Variants in GRM5 observed in about 807,000 individuals in gnomAD.
GRM5 encodes the protein metabotropic glutamate receptor 5.
In GRM5, 19 loss-of-function variants were observed where a neutral mutation model predicts 83.1. That is an observed-to-expected ratio of 0.23 (90% CI 0.16 to 0.34). GRM5 has a LOEUF of 0.34. Among genes scored for constraint, GRM5 ranks in the 10% least tolerant of loss-of-function variants. The pLI is 1.00. For synonymous variants in GRM5, 675 were observed against 633.6 expected, an observed-to-expected ratio of 1.07 and a Z score of -0.98; for missense variants, 1,160 against 1,588.3, an observed-to-expected ratio of 0.73 and a Z score of 4.58.
At chr11:88,710,769 G>A (rs1021727098) in intron 3 of GRM5, among the ~76,000 whole-genome samples, 1 of 151,878 alleles carries the variant, frequency 6.6e-6, no homozygotes, top group Non-Finnish European at 1.5e-5. Flanking sequence ...AGATTGAGAA[G>A]GTGCATTGCA....
intron 3 of GRM5, among the ~76,000 whole-genome samples, chr11:88,705,971 A>C (rs1404463198): frequency 6.6e-6 from 1 of 151,930 alleles, no homozygotes; most frequent in Non-Finnish European, 1.5e-5. Flanking sequence ...CCTCACCACA[A>C]CCCTAAGTGT....
intron 3 of GRM5, among the ~76,000 whole-genome samples, chr11:88,847,682 T>C (rs1944322441): frequency 6.6e-6 from 1 of 152,032 alleles, no homozygotes; most frequent in African/African-American, 2.4e-5. Flanking sequence ...TGCTCAAAAA[T>C]GAAATGAACT....
In GRM5 at chr11:88,585,325, A is replaced by T. The variant is rs181727616; in HGVS notation, c.1690+5276T>A. On this transcript the variant is annotated intron_variant, in intron 7 of 9. Transcript: ENST00000305447. ...TTTTTAGTTACAGGGGCCCCAGCCAATGAACCTAAGATGGATAGAGGGAAA... is the reference window on the plus strand; with the variant it reads ...TTTTTAGTTACAGGGGCCCCAGCCATTGAACCTAAGATGGATAGAGGGAAA... Among the ~76,000 whole-genome samples the T allele has an allele frequency of 6.7e-4, 102 of 152,352 alleles. 1 individual carries two copies. Among genetic ancestry groups the T allele is most frequent in the Middle Eastern group, 3.4e-3 (1 of 294 alleles).
chr11:88,772,655 T>C (rs1211558006), intron 3 of GRM5, among the ~76,000 whole-genome samples: 1 of 152,072 alleles, frequency 6.6e-6, no homozygotes. Flanking sequence ...TGTGTCCAAG[T>C]GATCTCACTG....
At chr11:88,902,134 A>C (rs1172485084) in intron 2 of GRM5, among the ~76,000 whole-genome samples, 2 of 151,894 alleles carry the variant, frequency 1.3e-5, no homozygotes, top group East Asian at 3.9e-4. Flanking sequence ...AGACTGCCTA[A>C]GGGCAGAGAA....
chr11:88,695,972 A>G (rs1940891961), intron 3 of GRM5, among the ~76,000 whole-genome samples: 1 of 152,204 alleles, frequency 6.6e-6, no homozygotes, highest in Non-Finnish European at 1.5e-5. Context: ...TGTGTGAATC[A>G]GCTCAATTAG....
chr11:89,041,292 G>A (rs186142163), intron 2 of GRM5, among the ~76,000 whole-genome samples: 225 of 152,322 alleles, frequency 1.5e-3, no homozygotes, highest in African/African-American at 5.2e-3. Flanking sequence ...GGGGAGCAGT[G>A]CAGTGAAATC....
chr11:88,761,534 T>A (rs1170267253), intron 3 of GRM5, among the ~76,000 whole-genome samples: 2 of 152,024 alleles, frequency 1.3e-5, no homozygotes, highest in Non-Finnish European at 2.9e-5. Context: ...TACAAAACAC[T>A]GCTCAAAGAA....
intron 2 of GRM5, among the ~76,000 whole-genome samples, chr11:88,900,181 A>T (rs534504968): frequency 6.6e-6 from 1 of 152,272 alleles, no homozygotes; most frequent in East Asian, 1.9e-4. Context: ...AGAACTACAC[A>T]GACTAGAGTG....
At chr11:88,786,362 GAATTC>G (rs1376230030) in intron 3 of GRM5, among the ~76,000 whole-genome samples, 1 of 152,046 alleles carries the variant, frequency 6.6e-6, no homozygotes, top group Non-Finnish European at 1.5e-5. Flanking sequence ...TGAGCTCAAA[GAATTC>G]TTAATGCATT....
intron 4 of GRM5, among the ~76,000 whole-genome samples, chr11:88,637,404 A>C (rs553670913): frequency 9.2e-5 from 14 of 152,116 alleles, no homozygotes; most frequent in African/African-American, 2.9e-4. Context: ...CAACCTACTC[A>C]TCTGACAAAG....
intron 3 of GRM5, among the ~76,000 whole-genome samples, chr11:88,807,198 C>T (rs1185866763): frequency 6.6e-6 from 1 of 152,114 alleles, no homozygotes; most frequent in Admixed American, 6.6e-5. Context: ...TTATTGAACA[C>T]ATGAATGGGT....
chr11:88,793,334 C>T (rs1230217938), intron 3 of GRM5, among the ~76,000 whole-genome samples: 1 of 152,106 alleles, frequency 6.6e-6, no homozygotes, highest in Non-Finnish European at 1.5e-5. Context: ...CAGATTTACA[C>T]ATATATAAAA....
intron 2 of GRM5, among the ~76,000 whole-genome samples, chr11:88,868,150 C>A (rs371204684): frequency 2.6e-5 from 4 of 151,806 alleles, no homozygotes; most frequent in African/African-American, 9.7e-5. Context: ...ATCACCAGAC[C>A]AAAGTCTGGC....
rs535429487 is a variant in GRM5 at position 88,537,748 on chromosome 11, G to A, written c.2631-12344C>T. Among the ~76,000 whole-genome samples, 11 of 152,044 alleles carry A rather than the reference G, an allele frequency of 7.2e-5. No individual in the cohort carries two copies. The South Asian group carries it at 1.2e-3, about 17-fold the overall frequency. Reference sequence around the variant, plus strand: ...CCATCAGATCTTGTGGTCTCCGTGCGCAGAAAAACATCTTTTGCACAGACT... The same window carrying A: ...CCATCAGATCTTGTGGTCTCCGTGCACAGAAAAACATCTTTTGCACAGACT... On this transcript the variant is annotated intron_variant, in intron 8 of 9. Transcript: ENST00000305447.
intron 3 of GRM5, among the ~76,000 whole-genome samples, chr11:88,662,253 C>G (rs1263742248): frequency 6.6e-6 from 1 of 152,022 alleles, no homozygotes; most frequent in East Asian, 1.9e-4. Context: ...TACTCAAAAC[C>G]CCATGACAAA....
intron 3 of GRM5, among the ~76,000 whole-genome samples, chr11:88,720,699 C>T (rs1358102273): frequency 2.6e-5 from 4 of 151,766 alleles, no homozygotes; most frequent in African/African-American, 7.3e-5. Flanking sequence ...TATTGGAGAG[C>T]GTCCTTCTGT....
At chr11:89,055,541 GA>G (rs1249086008) in intron 1 of GRM5, among the ~76,000 whole-genome samples, 2 of 152,014 alleles carry the variant, frequency 1.3e-5, no homozygotes, top group Non-Finnish European at 2.9e-5. Flanking sequence ...CCATTTAACT[GA>G]GATCCATGGA....
intron 2 of GRM5, among the ~76,000 whole-genome samples, chr11:88,920,416 AAAAAAAAAAAAACC>A (rs777463701): frequency 0.19 from 518 of 2,752 alleles, 5 homozygotes; most frequent in South Asian, 0.39. Flanking sequence ...TCCCAGCCAA[AAAAAAAAAAAAACC>A]AAAAAAAAAA....
Sources: gnomAD v4.1 joint callset for allele counts (sites outside exome capture counted in the v4.1 genomes callset) on GRCh38, gnomAD v4.1.1 for gene constraint, MANE v1.5 for transcripts, NCBI Gene and HGNC (gene_info 2026-07-23, HGNC 2026-07-21) for gene names.